Variants in MPZL3 observed in about 807,000 individuals in gnomAD.
MPZL3 encodes the protein myelin protein zero-like protein 3.
Under a neutral mutation model 24.8 loss-of-function variants are expected in MPZL3, and 23 were observed. The ratio of observed to expected loss-of-function variants is 0.93; its 90% CI spans 0.67 to 1.31. The LOEUF is 1.31. MPZL3 is among the 40% of genes most tolerant of loss of function. The probability of loss-of-function intolerance (pLI) is 0.00; values close to 1 mark genes in which losing one functional copy is unlikely to be tolerated. For synonymous variants in MPZL3, 99 were observed against 106.5 expected, an observed-to-expected ratio of 0.93 and a Z score of 0.44; for missense variants, 277 against 294.9, an observed-to-expected ratio of 0.94 and a Z score of 0.44.
intron 4 of MPZL3, 65 bp from the exon 5 acceptor site, chr11:118,233,588 G>A: frequency 6.5e-7 from 1 of 1,535,530 alleles, no homozygotes; most frequent in African/African-American, 1.4e-5. Context: ...GCAGTTGAAA[G>A]TACAGGTGTT....
chr11:118,241,242 G>C (rs1949494935), intron 1 of MPZL3, among the ~76,000 whole-genome samples: 1 of 152,154 alleles, frequency 6.6e-6, no homozygotes, highest in Admixed American at 6.5e-5. Flanking sequence ...CCAGTACTTT[G>C]TTCTTCCTGC....
At chr11:118,238,131 C>A (rs796465283) in intron 2 of MPZL3, among the ~76,000 whole-genome samples, 3 of 103,986 alleles carry the variant, frequency 2.9e-5, no homozygotes, top group African/African-American at 9.8e-5. Flanking sequence ...AGCTAGACTC[C>A]GCCTCAAAAA....
chr11:118,240,273 C>T lies in MPZL3; in HGVS notation c.178G>A (p.Val60Ile), dbSNP rs748945581. 2 of 1,606,354 alleles carry T rather than the reference C, an allele frequency of 1.2e-6. No homozygotes were observed. The highest frequency in any genetic ancestry group is 1.7e-4 in the Middle Eastern group (1 of 6,052). ...LKCTFKSTSD[V>I]TDKLTIDWTY... is the part of the protein sequence containing the mutation. The stretch of plus-strand genomic sequence containing the variant: ...CAGTCTATAGTAAGTTTGTCAGTGA[C>T]ATCTGAAGTTGACTTGAAAGTGCAT... Residue 60 changes from valine to isoleucine, a missense_variant, in exon 2 of 6, where the codon GTC (valine) becomes ATC (isoleucine). Val to Ile is a conservative substitution (Grantham distance 29, BLOSUM62 3). Transcript: ENST00000278949.
In MPZL3 at chr11:118,240,367, G is replaced by T. The variant is rs565159411; in HGVS notation, c.84C>A (p.Ile28=). ...CTGCACGAATCTCCAAGGAAAAGAC[G>T]ATATAAACACCTAATCAAAGCAAAC... ...LGVLFFQGVY[I]VFSLEIRADA... Residue 28 remains isoleucine (I), a synonymous_variant, in exon 2 of 6, where the codon ATC becomes ATA. Coordinates refer to ENST00000278949, the MANE Select transcript of MPZL3 (RefSeq NM_198275.3). 6.2e-7 allele frequency: 1 copy of T among 1,604,216 alleles called. No homozygotes were observed. The highest frequency in any genetic ancestry group is 2.3e-5 in the East Asian group (1 of 44,058).
chr11:118,237,034 G>A lies in MPZL3; in HGVS notation c.451+16C>T. The A allele has an allele frequency of 6.2e-7, 1 of 1,609,504 alleles. No individual in the cohort carries two copies. Among genetic ancestry groups the A allele is most frequent in the African/African-American group, 1.3e-5 (1 of 74,910 alleles). ...CACAGAGCACTGCAGAAGAAGGTTGGTGGCAATGAGCTTACCCCTTTCTGT... is the reference window on the plus strand; with the variant it reads ...CACAGAGCACTGCAGAAGAAGGTTGATGGCAATGAGCTTACCCCTTTCTGT... On this transcript the variant is annotated intron_variant, in intron 3 of 5. Coordinates refer to ENST00000278949, the MANE Select transcript of MPZL3 (RefSeq NM_198275.3).
chr11:118,234,886 A>T (rs565804642), intron 4 of MPZL3, among the ~76,000 whole-genome samples: 2 of 152,226 alleles, frequency 1.3e-5, no homozygotes, highest in East Asian at 3.9e-4. Context: ...TAGGGAATTT[A>T]CTAGATCATG....
chr11:118,243,144 A>G (rs1949516558), intron 1 of MPZL3, among the ~76,000 whole-genome samples: 1 of 152,156 alleles, frequency 6.6e-6, no homozygotes, highest in Non-Finnish European at 1.5e-5. Flanking sequence ...ACCATAAGAA[A>G]TGCGTGAATA....
intron 1 of MPZL3, among the ~76,000 whole-genome samples, chr11:118,246,235 T>C (rs1230366614): frequency 1.3e-5 from 2 of 152,208 alleles, no homozygotes; most frequent in Non-Finnish European, 2.9e-5. Flanking sequence ...GACAATCCTA[T>C]TCACTTGTAG....
chr11:118,237,643 T>C (rs920802768), intron 2 of MPZL3, among the ~76,000 whole-genome samples: 1 of 152,064 alleles, frequency 6.6e-6, no homozygotes, highest in Non-Finnish European at 1.5e-5. Context: ...CATCCTACCA[T>C]GCACAGGACA....
In MPZL3 at chr11:118,226,970, A is replaced by T. The variant is rs192338252; in HGVS notation, c.*2924T>A. The stretch of plus-strand genomic sequence containing the variant: ...TTCCCTTTAGAACCATAACTGAGTG[A>T]CTTAGTAGAACATTCATATTCAGGA... On this transcript the variant is annotated 3_prime_UTR_variant, in exon 6 of 6. Transcript: ENST00000278949. 1 of 152,340 alleles carries T rather than the reference A, an allele frequency of 6.6e-6. No individual in the cohort carries two copies. Among genetic ancestry groups the T allele is most frequent in the Admixed American group, 6.5e-5 (1 of 15,302 alleles). The allele number at this position is 152,340 out of a possible 1,614,324, so 9.4% of individuals were successfully genotyped here.
chr11:118,227,384 C>T lies in MPZL3; in HGVS notation c.*2510G>A, dbSNP rs559055082. ...GAAGTTACTCAAACAAGAGGTGAAA[C>T]AAATAAGTAAACAAAAAAAGACCAC... is the stretch of plus-strand genomic sequence containing the variant. On this transcript the variant is annotated 3_prime_UTR_variant, in exon 6 of 6. Transcript: ENST00000278949. 3.9e-5 allele frequency: 6 copies of T among 152,148 alleles called. No individual in the cohort carries two copies. In the South Asian group the frequency reaches 1.2e-3, roughly 32 times the overall value. The allele number at this position is 152,148 out of a possible 1,614,324, so 9.4% of individuals were successfully genotyped here. A position where few individuals can be genotyped will look rare whatever the true frequency, so the allele number is the denominator to read the frequency against.
intron 4 of MPZL3, among the ~76,000 whole-genome samples, chr11:118,233,863 G>A (rs1280974804): frequency 2.0e-5 from 3 of 152,062 alleles, no homozygotes; most frequent in African/African-American, 7.2e-5. Context: ...GCGTTGTGGT[G>A]CACACCTGTA....
intron 4 of MPZL3, 31 bp downstream of exon 4, chr11:118,235,393 G>C (rs375676379): frequency 1.7e-5 from 28 of 1,610,306 alleles, no homozygotes; most frequent in African/African-American, 5.3e-5. Context: ...GAGGAAACAG[G>C]CTTGCTGCCC....
rs1949318513 is a variant in MPZL3 at position 118,229,335 on chromosome 11, T to C, written c.*559A>G. Reference sequence around the variant, plus strand: ...ACCAACTCTAAGGAAACTAAGGGTATACACCCTAAGTTATCCAAACACAAC... The same window carrying C: ...ACCAACTCTAAGGAAACTAAGGGTACACACCCTAAGTTATCCAAACACAAC... On this transcript the variant is annotated 3_prime_UTR_variant, in exon 6 of 6. Coordinates refer to ENST00000278949, the MANE Select transcript of MPZL3 (RefSeq NM_198275.3). The C allele has an allele frequency of 6.6e-6, 1 of 152,584 alleles. No homozygotes were observed. The highest frequency in any genetic ancestry group is 1.5e-5 in the Non-Finnish European group (1 of 68,290). The allele number at this position is 152,584 out of a possible 1,614,324, so 9.5% of individuals were successfully genotyped here. A position where few individuals can be genotyped will look rare whatever the true frequency, so the allele number is the denominator to read the frequency against.
chr11:118,232,382 T>C (rs184176576), intron 5 of MPZL3, among the ~76,000 whole-genome samples: 1 of 152,210 alleles, frequency 6.6e-6, no homozygotes, highest in African/African-American at 2.4e-5. Context: ...ATATACTATA[T>C]ATTTTACTTA....
Position 118,252,148 on chromosome 11 carries a change from C to T in MPZL3, c.73+74G>A, listed in dbSNP as rs1267913765. ...CGGGGGCTTTCTGGAGACCCCCCTA[C>T]CCGGAACCGGAAAAGCGACCATCTT... On this transcript the variant is annotated intron_variant, in intron 1 of 5. Transcript: ENST00000278949. 4.6e-6 allele frequency: 7 copies of T among 1,528,340 alleles called. 1 individual carries two copies. In the Admixed American group the frequency reaches 8.4e-5, roughly 18 times the overall value. 94.7% of individuals were successfully genotyped at this position (1,528,340 alleles called of 1,614,324 possible).
rs1242482018 is a variant in MPZL3, at chr11:118,233,447, G to T, written c.681+13C>A. The T allele has an allele frequency of 3.1e-6, 5 of 1,613,606 alleles. No individual in the cohort carries two copies. Among genetic ancestry groups the T allele is most frequent in the Non-Finnish European group, 3.4e-6 (4 of 1,179,694 alleles). On this transcript the variant is annotated intron_variant, in intron 5 of 5. Transcript: ENST00000278949. ...GACATCAACAGTAAGCAGAAGGAATGGCATGCACTTACCAGGCACTCAGCG... is the reference window on the plus strand; with the variant it reads ...GACATCAACAGTAAGCAGAAGGAATTGCATGCACTTACCAGGCACTCAGCG...
Position 118,229,457 on chromosome 11 carries a change from C to T in MPZL3, c.*437G>A, listed in dbSNP as rs1478852289. On this transcript the variant is annotated 3_prime_UTR_variant, in exon 6 of 6. Coordinates refer to ENST00000278949, the MANE Select transcript of MPZL3 (RefSeq NM_198275.3). Reference sequence around the variant, plus strand: ...AAAAACAAAGAATACATATCCCAAGCGAATATTTTGTCTGGTGACACATCA... The same window carrying T: ...AAAAACAAAGAATACATATCCCAAGTGAATATTTTGTCTGGTGACACATCA... The T allele has an allele frequency of 6.7e-5, 11 of 164,782 alleles. No individual in the cohort carries two copies. The highest frequency in any genetic ancestry group is 9.6e-5 in the African/African-American group (4 of 41,534). 10.2% of individuals were successfully genotyped at this position (164,782 alleles called of 1,614,324 possible). A position where few individuals can be genotyped will look rare whatever the true frequency, so the allele number is the denominator to read the frequency against.
intron 3 of MPZL3, among the ~76,000 whole-genome samples, chr11:118,235,948 G>A (rs1208560524): frequency 6.6e-6 from 1 of 152,126 alleles, no homozygotes; most frequent in Non-Finnish European, 1.5e-5. Flanking sequence ...CAGATGTGAT[G>A]TGTAATCGCT....
Sources: gnomAD v4.1 joint callset for allele counts (sites outside exome capture counted in the v4.1 genomes callset) on GRCh38, gnomAD v4.1.1 for gene constraint, MANE v1.5 for transcripts, NCBI Gene and HGNC (gene_info 2026-07-23, HGNC 2026-07-21) for gene names.